Variants in GPRC5C observed in about 807,000 individuals in gnomAD.
The protein encoded by GPRC5C is G protein-coupled receptor class C group 5 member C.
A neutral mutation model predicts 31.4 loss-of-function variants in GPRC5C; 22 were observed. The observed-to-expected ratio is 0.70, with a 90% CI of 0.50 to 1.00. The LOEUF (loss-of-function observed/expected upper bound fraction) is 1.00. GPRC5C is among the 50% of genes least tolerant of loss of function. GPRC5C has a pLI of 0.00. For missense variants in GPRC5C, 557 were observed against 597.2 expected (o/e 0.93, Z 0.70); for synonymous variants, 249 against 257.5 (o/e 0.97, Z 0.32).
intron 1 of GPRC5C, among the ~76,000 whole-genome samples, chr17:74,435,898 G>A (rs758259048): frequency 2.0e-5 from 3 of 152,226 alleles, no homozygotes; most frequent in East Asian, 1.9e-4. Flanking sequence ...CCCCACCTCC[G>A]CCATCCAACC....
At position 74,440,592 on chromosome 17, in the gene GPRC5C, T is replaced by G; in HGVS notation, c.816T>G (p.Ser272Arg). ...CTTACGGCAACAAGCAGCACAACAG[T>G]CCCACCTGGGATGACCCCACGCTGG... ...MYTYGNKQHNSPTWDDPTLAI... is the reference protein window; with the variant it reads ...MYTYGNKQHNRPTWDDPTLAI... Residue 272 changes from serine to arginine, a missense_variant, in exon 2 of 4, where the codon AGT becomes AGG. Physicochemically the swap from Ser to Arg is moderately radical, Grantham distance 110 (BLOSUM62 -1). Transcript: ENST00000392627. The surrounding 1 kb of genome is among the most constrained non-coding windows in gnomAD (Gnocchi z 4.4). 6.2e-7 allele frequency: 1 copy of G among 1,613,968 alleles called. No individual in the cohort carries two copies. The highest frequency in any genetic ancestry group is 8.5e-7 in the Non-Finnish European group (1 of 1,179,864).
chr17:74,442,838 G>A (rs903866992), intron 2 of GPRC5C, among the ~76,000 whole-genome samples: 1 of 152,192 alleles, frequency 6.6e-6, no homozygotes, highest in Non-Finnish European at 1.5e-5. Flanking sequence ...CATGGCGGGG[G>A]TGGAATTGGC....
chr17:74,443,433 G>A, intron 2 of GPRC5C: 2 of 375,544 alleles, frequency 5.3e-6, no homozygotes, highest in South Asian at 4.2e-5. Flanking sequence ...AGGCAGAGCT[G>A]GAGGCTGGCC....
rs372701997 is a variant in GPRC5C, at chr17:74,445,269, A to G, written c.1146+1357A>G. On this transcript the variant is annotated intron_variant, in intron 3 of 3. Coordinates refer to ENST00000392627, the MANE Select transcript of GPRC5C (RefSeq NM_022036.4). The stretch of plus-strand genomic sequence containing the variant: ...TGTCTCCAAAAATAAATAAATAAGA[A>G]AAAAAAAAAAAAGTGCAGATGGGGC... 5.6e-3 allele frequency: 481 copies of G among 85,180 alleles called. 3 individuals carry two copies. Among genetic ancestry groups the G allele is most frequent in the African/African-American group, 0.015 (44 of 2,934 alleles). The allele number at this position is 85,180 out of a possible 1,614,324, so 5.3% of individuals were successfully genotyped here.
chr17:74,444,917 C>T (rs545392007), intron 3 of GPRC5C, among the ~76,000 whole-genome samples: 2 of 152,254 alleles, frequency 1.3e-5, no homozygotes, highest in South Asian at 2.1e-4. Context: ...ACATGGTACC[C>T]GGACCACCAG....
rs916691909 is a variant in GPRC5C, at chr17:74,440,797, A to T, written c.1021A>T (p.Lys341Ter). 1 of 1,515,852 alleles carries T rather than the reference A, an allele frequency of 6.6e-7. No homozygotes were observed. Among genetic ancestry groups the T allele is most frequent in the Non-Finnish European group, 8.9e-7 (1 of 1,125,628 alleles). 93.9% of individuals were successfully genotyped at this position (1,515,852 alleles called of 1,614,324 possible). Residue 341 changes from lysine (K) to a stop codon, truncating the protein, a stop_gained, in exon 2 of 4, where the codon AAG becomes TAG. Coordinates refer to ENST00000392627, the MANE Select transcript of GPRC5C (RefSeq NM_022036.4). LOFTEE classifies it high-confidence loss of function. The surrounding 1 kb of genome is among the most constrained non-coding windows in gnomAD (Gnocchi z 4.4). ...QKGQSMFVEN[K>*]AFSMDEPVAA... ...GGGTCAGAGCATGTTCGTGGAGAACAAGGCCTTTTCCATGGATGAGCCGGT... is the reference window on the plus strand; with the variant it reads ...GGGTCAGAGCATGTTCGTGGAGAACTAGGCCTTTTCCATGGATGAGCCGGT...
Position 74,446,903 on chromosome 17 carries a change from A to G in GPRC5C, c.1201A>G (p.Met401Val). 6.2e-7 allele frequency: 1 copy of G among 1,614,000 alleles called. No homozygotes were observed. The highest frequency in any genetic ancestry group is 8.5e-7 in the Non-Finnish European group (1 of 1,179,886). ...LPRATANSQV[M>V]GSANSTLRAE... ...ACGGGCCACCGCCAACAGCCAGGTG[A>G]TGGGCAGTGCCAACTCGACCCTGCG... Residue 401 changes from methionine (M) to valine (V), a missense_variant, in exon 4 of 4, where the codon ATG becomes GTG. By Grantham distance (21) the Met-to-Val change is conservative. Transcript: ENST00000392627.
chr17:74,444,026 G>A, intron 3 of GPRC5C, 114 bp downstream of exon 3: 2 of 712,852 alleles, frequency 2.8e-6, no homozygotes, highest in Non-Finnish European at 4.9e-6. Context: ...GTGGTAAGGG[G>A]AAGGCAAGCT....
In GPRC5C at chr17:74,443,827, C is replaced by T. The variant is rs759764587; in HGVS notation, c.1061C>T (p.Pro354Leu). Residue 354 changes from proline to leucine, a missense_variant, in exon 3 of 4, where the codon CCG becomes CTG. Coordinates refer to ENST00000392627, the MANE Select transcript of GPRC5C (RefSeq NM_022036.4). ...SMDEPVAAKR[P>L]VSPYSGYNGQ... ...CTGCTTTTCCTTGTAGCTAAGAGGC[C>T]GGTGTCACCATACAGCGGGTACAAT... 1.2e-6 allele frequency: 2 copies of T among 1,610,846 alleles called. No individual in the cohort carries two copies. Among genetic ancestry groups the T allele is most frequent in the South Asian group, 1.1e-5 (1 of 91,014 alleles).
At chr17:74,444,247 G>T (rs2055591229) in intron 3 of GPRC5C, among the ~76,000 whole-genome samples, 3 of 152,176 alleles carry the variant, frequency 2.0e-5, no homozygotes, top group Admixed American at 2.0e-4. Flanking sequence ...TGGAGGGCTT[G>T]GGGAGGGACA....
chr17:74,440,733 C>A lies in GPRC5C; in HGVS notation c.957C>A (p.Thr319=). Residue 319 remains threonine (T), a synonymous_variant, in exon 2 of 4, where the codon ACC becomes ACA. Transcript: ENST00000392627. The surrounding 1 kb of genome is among the most constrained non-coding windows in gnomAD (Gnocchi z 4.4). ...EQSYQGDMYP[T]RGVGYETILK... ...GCTACCAGGGGGACATGTACCCCACCCGGGGCGTGGGCTATGAGACCATCC... is the reference window on the plus strand; with the variant it reads ...GCTACCAGGGGGACATGTACCCCACACGGGGCGTGGGCTATGAGACCATCC... The A allele has an allele frequency of 6.2e-7, 1 of 1,600,920 alleles. No individual in the cohort carries two copies. Among genetic ancestry groups the A allele is most frequent in the Non-Finnish European group, 8.5e-7 (1 of 1,170,118 alleles).
intron 2 of GPRC5C, among the ~76,000 whole-genome samples, chr17:74,442,356 G>A (rs571061313): frequency 2.2e-4 from 34 of 152,216 alleles, no homozygotes; most frequent in South Asian, 4.1e-4. Flanking sequence ...TCTCAGCAGC[G>A]CCCTTGTTAG....
chr17:74,444,479 A>C (rs1026044736), intron 3 of GPRC5C, among the ~76,000 whole-genome samples: 1 of 152,034 alleles, frequency 6.6e-6, no homozygotes, highest in Admixed American at 6.6e-5. Flanking sequence ...GGTGGGTTGG[A>C]TTCTACTCAC....
chr17:74,442,832 G>C (rs938506761), intron 2 of GPRC5C, among the ~76,000 whole-genome samples: 2 of 152,138 alleles, frequency 1.3e-5, no homozygotes, highest in Non-Finnish European at 2.9e-5. Context: ...GGTGTGCATG[G>C]CGGGGGTGGA....
chr17:74,435,046 C>T (rs1384751741), intron 1 of GPRC5C, among the ~76,000 whole-genome samples: 1 of 151,510 alleles, frequency 6.6e-6, no homozygotes. Flanking sequence ...GGTGAAACCC[C>T]GTCTCTACTA....
rs780687082 is a variant in GPRC5C, at chr17:74,447,076, G to A, written c.*48G>A. 75 of 1,575,000 alleles carry A rather than the reference G, an allele frequency of 4.8e-5. No individual in the cohort carries two copies. The highest frequency in any genetic ancestry group is 6.3e-5 in the Non-Finnish European group (73 of 1,155,400). On this transcript the variant is annotated 3_prime_UTR_variant, in exon 4 of 4. Transcript: ENST00000392627. ...GGGCGGATTTGGGGAGGGCCCTGAG[G>A]ACCTGGCCCCGGGCAAGGGACTCTC...
chr17:74,446,791 C>T lies in GPRC5C; in HGVS notation c.1147-58C>T. ...CCTGCAGGAAGTGTTTGTGCATCCGCCCCGGCGGAACCTGGCTCCCAATCC... is the reference window on the plus strand; with the variant it reads ...CCTGCAGGAAGTGTTTGTGCATCCGTCCCGGCGGAACCTGGCTCCCAATCC... On this transcript the variant is annotated intron_variant, in intron 3 of 3. Transcript: ENST00000392627. 7 of 1,373,754 alleles carry T rather than the reference C, an allele frequency of 5.1e-6. No homozygotes were observed. The South Asian group carries it at 8.4e-5, about 17-fold the overall frequency. 85.1% of individuals were successfully genotyped at this position (1,373,754 alleles called of 1,614,324 possible). A position where few individuals can be genotyped will look rare whatever the true frequency, so the allele number is the denominator to read the frequency against.
intron 1 of GPRC5C, among the ~76,000 whole-genome samples, chr17:74,437,861 T>A (rs2055456954): frequency 6.6e-6 from 1 of 152,096 alleles, no homozygotes; most frequent in Non-Finnish European, 1.5e-5. Flanking sequence ...TAGTGGTCAC[T>A]GTCAGACCAG....
rs57390968 is a variant in GPRC5C, at chr17:74,437,629, A to ATTTTTTTTTT, written c.-32-2110_-32-2101dup. 5.3e-4 allele frequency among the ~76,000 whole-genome samples: 69 copies of ATTTTTTTTTT among 129,842 alleles called. 3 individuals carry two copies. The highest frequency in any genetic ancestry group is 1.8e-3 in the African/African-American group (52 of 28,366). 85.2% of individuals were successfully genotyped at this position (129,842 alleles called of 152,430 possible). A position where few individuals can be genotyped will look rare whatever the true frequency, so the allele number is the denominator to read the frequency against. On this transcript the variant is annotated intron_variant, in intron 1 of 3. Coordinates refer to ENST00000392627, the MANE Select transcript of GPRC5C (RefSeq NM_022036.4). ...CTTTCACATAACAATTATGGACAGAATTTTTTTTTTTTTTTGCTTCTGTGT... is the reference window on the plus strand; with the variant it reads ...CTTTCACATAACAATTATGGACAGAATTTTTTTTTTTTTTTTTTTTTTTTTGCTTCTGTGT...
Sources: allele counts gnomAD v4.1 joint callset (sites outside exome capture counted in the v4.1 genomes callset), GRCh38; gene constraint gnomAD v4.1.1; non-coding constraint Gnocchi (gnomAD v3.1); transcripts MANE v1.5; gene names NCBI Gene and HGNC (gene_info 2026-07-23, HGNC 2026-07-21).